Variants in ZBTB7C observed in about 807,000 individuals in gnomAD.
The protein encoded by ZBTB7C is zinc finger and BTB domain containing 7C.
ZBTB7C carries 8 observed loss-of-function variants against 25.7 expected under a neutral mutation model. The ratio of observed to expected loss-of-function variants is 0.31; its 90% CI spans 0.18 to 0.56. The LOEUF (loss-of-function observed/expected upper bound fraction) is 0.56. Among genes scored for constraint, ZBTB7C ranks in the 20% least tolerant of loss-of-function variants. The pLI is 0.91. For synonymous variants in ZBTB7C, 394 were observed against 369.0 expected (o/e 1.07, Z -0.78); for missense variants, 824 against 855.2 (o/e 0.96, Z 0.46).
At chr18:48,332,719 T>C (rs905281807) in intron 2 of ZBTB7C, among the ~76,000 whole-genome samples, 26 of 141,750 alleles carry the variant, frequency 1.8e-4, no homozygotes, top group Admixed American at 1.2e-3. Context: ...ATTTTCCAAT[T>C]ACCAGGCAAG....
chr18:48,202,857 A>T (rs2042488263), intron 2 of ZBTB7C, among the ~76,000 whole-genome samples: 1 of 151,454 alleles, frequency 6.6e-6, no homozygotes, highest in Non-Finnish European at 1.5e-5. Flanking sequence ...TGTAACCCAC[A>T]ACCCTGGGCA....
At chr18:48,298,019 G>T (rs1211667787) in intron 2 of ZBTB7C, among the ~76,000 whole-genome samples, 1 of 152,116 alleles carries the variant, frequency 6.6e-6, no homozygotes, top group Non-Finnish European at 1.5e-5. Context: ...AGTGGCTCAC[G>T]CCTGTAATCC....
At chr18:48,247,275 T>C (rs1204721130) in intron 2 of ZBTB7C, among the ~76,000 whole-genome samples, 1 of 152,104 alleles carries the variant, frequency 6.6e-6, no homozygotes, top group Non-Finnish European at 1.5e-5. Context: ...AAATCATTCA[T>C]AAAAATATTA....
At chr18:48,038,087 G>A (rs970916080) in intron 4 of ZBTB7C, among the ~76,000 whole-genome samples, 8 of 152,154 alleles carry the variant, frequency 5.3e-5, no homozygotes, top group Non-Finnish European at 8.8e-5. Flanking sequence ...CATCACCCAC[G>A]GTGGCATTGG....
chr18:48,043,351 G>A (rs912699877), intron 3 of ZBTB7C, among the ~76,000 whole-genome samples: 1 of 152,164 alleles, frequency 6.6e-6, no homozygotes, highest in Non-Finnish European at 1.5e-5. Flanking sequence ...TCCTTCAAAG[G>A]TGTATGGCTA....
intron 3 of ZBTB7C, among the ~76,000 whole-genome samples, chr18:48,050,932 A>C (rs2036660900): frequency 6.6e-6 from 1 of 152,014 alleles, no homozygotes; most frequent in African/African-American, 2.4e-5. Flanking sequence ...GTACATAAGG[A>C]ATTATTTTGC....
In ZBTB7C at chr18:48,280,166, GAGTGGAGCC is replaced by G. The variant is rs754228645; in HGVS notation, c.-79+57999_-79+58007del. ...CAAGGAGCATGTATTGGAGGGTGCT[GAGTGGAGCC>G]AGCTTGTCAGAGAAGGAGGAGTGGG... On this transcript the variant is annotated intron_variant, in intron 2 of 4. Transcript: ENST00000590800. 1.3e-4 allele frequency among the ~76,000 whole-genome samples: 20 copies of G among 152,236 alleles called. No homozygotes were observed. In the Middle Eastern group the frequency reaches 0.01, roughly 78 times the overall value.
chr18:48,121,710 G>A (rs558131731), intron 3 of ZBTB7C, among the ~76,000 whole-genome samples: 1 of 152,334 alleles, frequency 6.6e-6, no homozygotes, highest in African/African-American at 2.4e-5. Context: ...TGGCAAGACT[G>A]ATGGTGTGAG....
intron 3 of ZBTB7C, among the ~76,000 whole-genome samples, chr18:48,183,472 A>T (rs1161647013): frequency 6.6e-6 from 1 of 152,232 alleles, no homozygotes; most frequent in East Asian, 1.9e-4. Context: ...AATTCCAGTT[A>T]AAAAAGCACA....
chr18:48,237,606 T>C lies in ZBTB7C; in HGVS notation c.-78-51611A>G, dbSNP rs561476850. On this transcript the variant is annotated intron_variant, in intron 2 of 4. Transcript: ENST00000590800. Reference sequence around the variant, plus strand: ...GAAGATGAGACAATGGGTAATATAATTGGTATATTCTTTGCTTCCTTGTGG... The same window carrying C: ...GAAGATGAGACAATGGGTAATATAACTGGTATATTCTTTGCTTCCTTGTGG... Among the ~76,000 whole-genome samples the C allele has an allele frequency of 2.0e-5, 3 of 152,290 alleles. No homozygotes were observed. The East Asian group carries it at 5.8e-4, about 29-fold the overall frequency.
At chr18:48,382,696 A>G (rs754257256) in intron 1 of ZBTB7C, among the ~76,000 whole-genome samples, 11 of 152,262 alleles carry the variant, frequency 7.2e-5, no homozygotes, top group Non-Finnish European at 1.3e-4. Context: ...GCATGCATGC[A>G]TGTTATTGCT....
chr18:48,051,401 T>C (rs1223785597), intron 3 of ZBTB7C, among the ~76,000 whole-genome samples: 2 of 152,170 alleles, frequency 1.3e-5, no homozygotes, highest in African/African-American at 4.8e-5. Context: ...CCTTCGTCTA[T>C]GTAGAGGCTG....
intron 3 of ZBTB7C, among the ~76,000 whole-genome samples, chr18:48,139,316 G>A (rs183660845): frequency 1.2e-3 from 177 of 152,286 alleles, no homozygotes; most frequent in Middle Eastern, 3.4e-3. Context: ...TGAAAGGAGA[G>A]AGTGCAGGGC....
chr18:48,029,469 A>T lies in ZBTB7C; in HGVS notation c.1651T>A (p.Phe551Ile). 1 of 1,597,202 alleles carries T rather than the reference A, an allele frequency of 6.3e-7. No homozygotes were observed. ...AACAGCTTCATCTGTGTCTCCTCGA[A>T]CTGCCGCTCCAGCTCTTGCAGGCTC... ...ALSLQELERQ[F>I]EETQMKLFGR... is the part of the protein sequence containing the mutation. Residue 551 changes from phenylalanine (F) to isoleucine (I), a missense_variant, in exon 5 of 5, where the codon TTC becomes ATC. By Grantham distance (21) the Phe-to-Ile change is conservative. Around this residue, in one of 4 missense-constraint regions of ZBTB7C, gnomAD observed 342 missense variants for 307.0 expected, o/e 1.11. Coordinates refer to ENST00000590800, the MANE Select transcript of ZBTB7C (RefSeq NM_001318841.2).
intron 3 of ZBTB7C, chr18:48,180,289 C>T (rs2041879263): frequency 2.2e-6 from 1 of 456,262 alleles, no homozygotes; most frequent in Non-Finnish European, 4.4e-6. Flanking sequence ...ATTAATCTCC[C>T]TAGACCTTCT....
chr18:48,333,867 T>C (rs897360445), intron 2 of ZBTB7C, among the ~76,000 whole-genome samples: 18 of 152,178 alleles, frequency 1.2e-4, no homozygotes, highest in African/African-American at 3.1e-4. Context: ...GGACCCAACC[T>C]TGAAAACACT....
intron 3 of ZBTB7C, among the ~76,000 whole-genome samples, chr18:48,132,855 C>T (rs943200481): frequency 1.3e-5 from 2 of 152,142 alleles, no homozygotes; most frequent in Non-Finnish European, 2.9e-5. Context: ...AGCAATAGCC[C>T]TGCAGGTATG....
At chr18:48,094,057 T>C (rs2038526003) in intron 3 of ZBTB7C, among the ~76,000 whole-genome samples, 1 of 151,996 alleles carries the variant, frequency 6.6e-6, no homozygotes, top group South Asian at 2.1e-4. Context: ...AGACTCCATC[T>C]CAAAAAAAAG....
chr18:48,315,176 G>C (rs2045920620), intron 2 of ZBTB7C, among the ~76,000 whole-genome samples: 1 of 152,162 alleles, frequency 6.6e-6, no homozygotes, highest in South Asian at 2.1e-4. Flanking sequence ...CATAAAGCAG[G>C]TACCTAGAGA....
Sources: allele counts gnomAD v4.1 joint callset (sites outside exome capture counted in the v4.1 genomes callset), GRCh38; gene constraint gnomAD v4.1.1; regional missense constraint gnomAD v4.1.1; transcripts MANE v1.5; gene names NCBI Gene and HGNC (gene_info 2026-07-23, HGNC 2026-07-21).